Variants in SHOX observed in about 807,000 individuals in gnomAD.
SHOX encodes SHOX homeobox, also known as short stature homeobox protein.
SHOX carries 12 observed loss-of-function variants against 29.6 expected under a neutral mutation model. That is an observed-to-expected ratio of 0.41 (90% CI 0.26 to 0.66). SHOX has a LOEUF of 0.66. Among genes scored for constraint, SHOX ranks in the 30% least tolerant of loss-of-function variants. The probability of loss-of-function intolerance (pLI) is 0.35; values close to 1 mark genes in which losing one functional copy is unlikely to be tolerated. For missense variants in SHOX, 499 were observed against 437.7 expected, an observed-to-expected ratio of 1.14 and a Z score of -1.25; for synonymous variants, 214 against 200.6, an observed-to-expected ratio of 1.07 and a Z score of -0.57.
In SHOX at chrX:634,677, A is replaced by C; in HGVS notation, c.337A>C (p.Thr113Pro). Reference protein sequence around the residue: ...DVKSEDEDGQTKLKQRRSRTN... With the variant: ...DVKSEDEDGQPKLKQRRSRTN... ...GAAGTCGGAGGACGAGGACGGGCAG[A>C]CCAAGCTGAAACAGAGGCGCAGCCG... The change falls in exon 2 of 5, where the codon ACC (threonine) becomes CCC (proline). Residue 113 changes from threonine to proline, a missense_variant. Coordinates refer to ENST00000686671, the MANE Select transcript of SHOX (RefSeq NM_000451.4). 1 of 1,613,916 alleles carries C rather than the reference A, an allele frequency of 6.2e-7. No homozygotes were observed. Among genetic ancestry groups the C allele is most frequent in the Non-Finnish European group, 8.5e-7 (1 of 1,179,862 alleles).
intron 2 of SHOX, among the ~76,000 whole-genome samples, chrX:636,326 A>G (rs2124171482): frequency 9.4e-6 from 1 of 106,140 alleles, no homozygotes; most frequent in African/African-American, 4.0e-5. Context: ...ATAAATATAT[A>G]TAAACATATA....
chrX:624,904 C>CTTTCTT lies in SHOX; in HGVS notation c.-433+303_-433+304insTTCTTT, dbSNP rs2052485772. Among the ~76,000 whole-genome samples the CTTTCTT allele has an allele frequency of 5.7e-3, 537 of 94,920 alleles. 15 individuals carry two copies. Among genetic ancestry groups the CTTTCTT allele is most frequent in the Admixed American group, 8.7e-3 (74 of 8,538 alleles). 62.3% of individuals were successfully genotyped at this position (94,920 alleles called of 152,430 possible). A position where few individuals can be genotyped will look rare whatever the true frequency, so the allele number is the denominator to read the frequency against. ...TTTCTTTCTTTCTTTCTTTCTTTCT[C>CTTTCTT]TCTTCCTTTCTTTCTTTCTTTCTTT... On this transcript the variant is annotated intron_variant, in intron 1 of 5. Transcript: ENST00000334060.
Position 644,983 on chromosome X carries a change from A to C in SHOX, c.*347A>C. On this transcript the variant is annotated 3_prime_UTR_variant, in exon 5 of 5. Transcript: ENST00000686671. ...ACCCTATGCATGCGGTTAACTACAC[A>C]CGTTTGGAAGATCCTTAGAGTCTAT... 3.4e-6 allele frequency: 1 copy of C among 291,692 alleles called. No homozygotes were observed. The highest frequency in any genetic ancestry group is 6.3e-6 in the Non-Finnish European group (1 of 159,124). 18.1% of individuals were successfully genotyped at this position (291,692 alleles called of 1,614,324 possible). A position where few individuals can be genotyped will look rare whatever the true frequency, so the allele number is the denominator to read the frequency against.
intron 2 of SHOX, among the ~76,000 whole-genome samples, chrX:640,584 C>A (rs2052836220): frequency 6.6e-6 from 1 of 152,054 alleles, no homozygotes; most frequent in Admixed American, 6.6e-5. Context: ...TCAGAACCAC[C>A]ACCACCACAA....
intron 1 of SHOX, among the ~76,000 whole-genome samples, chrX:624,873 T>TG (rs2052481605): frequency 1.3e-4 from 7 of 53,604 alleles, no homozygotes; most frequent in Admixed American, 1.5e-4. Context: ...TTTCTTTCTT[T>TG]CTTTCTTTCT....
chrX:635,387 G>T (rs1252538907), intron 2 of SHOX, among the ~76,000 whole-genome samples: 23 of 152,166 alleles, frequency 1.5e-4, no homozygotes, highest in Admixed American at 1.3e-3. Flanking sequence ...AGGATGAAAG[G>T]AGAGGGGTGT....
rs145704317 is a variant in SHOX at position 651,270 on chromosome X, A to C, written c.*6634A>C. On this transcript the variant is annotated 3_prime_UTR_variant, in exon 5 of 5. Transcript: ENST00000686671. Reference sequence around the variant, plus strand: ...AGCGGCCCCCGCGTCCGGGTTACAAATACATCTACAGATATTTTCAGGGAT... The same window carrying C: ...AGCGGCCCCCGCGTCCGGGTTACAACTACATCTACAGATATTTTCAGGGAT... The C allele has an allele frequency of 1.5e-4, 70 of 455,660 alleles. 1 individual carries two copies. The East Asian group carries it at 4.8e-3, about 31-fold the overall frequency. 28.2% of individuals were successfully genotyped at this position (455,660 alleles called of 1,614,324 possible). A position where few individuals can be genotyped will look rare whatever the true frequency, so the allele number is the denominator to read the frequency against.
downstream of SHOX, among the ~76,000 whole-genome samples, chrX:654,491 C>G (rs2053109961): frequency 6.6e-6 from 1 of 151,908 alleles, no homozygotes; most frequent in Non-Finnish European, 1.5e-5. Flanking sequence ...GTATAATAAA[C>G]TGATTTCTAA....
At chrX:625,178 C>T (rs759564899) in intron 1 of SHOX, among the ~76,000 whole-genome samples, 2 of 136,338 alleles carry the variant, frequency 1.5e-5, no homozygotes, top group Non-Finnish European at 3.1e-5. Flanking sequence ...CATCCTCCCC[C>T]TTCATCGTCC....
At chrX:627,544 A>G (rs183315462), upstream of SHOX, among the ~76,000 whole-genome samples, 281 of 152,332 alleles carry the variant, frequency 1.8e-3, no homozygotes, top group African/African-American at 6.7e-3. Flanking sequence ...TTGGAAAGGC[A>G]GAAAGTGTGC....
rs1004011271 is a variant in SHOX, at chrX:649,285, C to A, written c.*4649C>A. Among the ~76,000 whole-genome samples, 2 of 152,050 alleles carry A rather than the reference C, an allele frequency of 1.3e-5. No individual in the cohort carries two copies. Among genetic ancestry groups the A allele is most frequent in the African/African-American group, 4.8e-5 (2 of 41,414 alleles). On this transcript the variant is annotated 3_prime_UTR_variant, in exon 5 of 5. Coordinates refer to ENST00000686671, the MANE Select transcript of SHOX (RefSeq NM_000451.4). The stretch of plus-strand genomic sequence containing the variant: ...AACTCCTGACCTCACATGATCCACC[C>A]GCCTCAGCCTCCCAGAGTGCTGGGA...
At chrX:629,958 C>A (rs2052617625), upstream of SHOX, among the ~76,000 whole-genome samples, 1 of 152,200 alleles carries the variant, frequency 6.6e-6, no homozygotes, top group Non-Finnish European at 1.5e-5. Flanking sequence ...GTAAATACCC[C>A]AGACGCCAGG....
rs2053064456 is a variant in SHOX, at chrX:651,529, A to T, written c.*6893A>T. On this transcript the variant is annotated 3_prime_UTR_variant, in exon 5 of 5. Coordinates refer to ENST00000686671, the MANE Select transcript of SHOX (RefSeq NM_000451.4). The stretch of plus-strand genomic sequence containing the variant: ...AGACTGTATTTTTGTGACGCCCCGT[A>T]GTATGAATGTACATCTTGTAAAACT... The T allele has an allele frequency of 7.8e-6, 3 of 386,638 alleles. No homozygotes were observed. The highest frequency in any genetic ancestry group is 1.5e-5 in the Non-Finnish European group (3 of 197,094). The allele number at this position is 386,638 out of a possible 1,614,324, so 24.0% of individuals were successfully genotyped here. A position where few individuals can be genotyped will look rare whatever the true frequency, so the allele number is the denominator to read the frequency against.
At position 631,050 on chromosome X, in the gene SHOX, G is replaced by T. The variant is rs769689283; in HGVS notation, c.153G>T (p.Thr51=). Residue 51 remains threonine (T), a synonymous_variant, in exon 1 of 5, where the codon ACG becomes ACT. Coordinates refer to ENST00000686671, the MANE Select transcript of SHOX (RefSeq NM_000451.4). ...SGLARSRELG[T]SDSSLQDITE... is the part of the protein sequence containing the mutation. ...TGGCGCGCTCCCGGGAGCTGGGGAC[G>T]TCGGATTCCAGCCTCCAGGACATCA... The T allele has an allele frequency of 2.5e-6, 4 of 1,613,816 alleles. No individual in the cohort carries two copies. The highest frequency in any genetic ancestry group is 4.5e-5 in the East Asian group (2 of 44,878).
chrX:651,746 C>G (rs2053068740), downstream of SHOX, among the ~76,000 whole-genome samples: 1 of 151,428 alleles, frequency 6.6e-6, no homozygotes, highest in South Asian at 2.1e-4. Flanking sequence ...GCCCCCCAGC[C>G]TTAGATCGGG....
intron 2 of SHOX, among the ~76,000 whole-genome samples, chrX:638,584 C>A (rs1204517356): frequency 6.6e-6 from 1 of 152,190 alleles, no homozygotes. Context: ...GTTCTCCAGG[C>A]GCACTGCAGC....
At chrX:627,462 G>A (rs918211927), upstream of SHOX, among the ~76,000 whole-genome samples, 38 of 152,186 alleles carry the variant, frequency 2.5e-4, no homozygotes, top group Non-Finnish European at 5.1e-4. Flanking sequence ...TCATCCCACA[G>A]GAAGAGTTGG....
intron 1 of SHOX, 55 bp from the exon 2 acceptor site, chrX:634,563 C>A (rs1250314925): frequency 6.3e-7 from 1 of 1,592,590 alleles, no homozygotes; most frequent in Non-Finnish European, 8.6e-7. Flanking sequence ...AGGGGTTCGC[C>A]ACGTTGCGCA....
chrX:654,440 C>T (rs2053109246), downstream of SHOX, among the ~76,000 whole-genome samples: 1 of 151,918 alleles, frequency 6.6e-6, no homozygotes, highest in Non-Finnish European at 1.5e-5. Context: ...ACTTATAAAA[C>T]AATTCAATGG....
Sources: allele counts gnomAD v4.1 joint callset (sites outside exome capture counted in the v4.1 genomes callset), GRCh38; gene constraint gnomAD v4.1.1; transcripts MANE v1.5; gene names NCBI Gene and HGNC (gene_info 2026-07-23, HGNC 2026-07-21).